Variants in ETF1 observed in about 807,000 individuals in gnomAD.
The protein encoded by ETF1 is eukaryotic peptide chain release factor subunit 1.
A neutral mutation model predicts 55.1 loss-of-function variants in ETF1; 4 were observed. That is an observed-to-expected ratio of 0.07 (90% CI 0.04 to 0.17). The LOEUF is 0.17. Among genes scored for constraint, ETF1 ranks in the 10% least tolerant of loss-of-function variants. The pLI is 1.00. For synonymous variants in ETF1, 157 were observed against 182.3 expected, an observed-to-expected ratio of 0.86 and a Z score of 1.12; for missense variants, 142 against 523.6, an observed-to-expected ratio of 0.27 and a Z score of 7.11.
intron 2 of ETF1, among the ~76,000 whole-genome samples, chr5:138,537,901 T>C (rs11242432): frequency 6.8e-6 from 1 of 146,872 alleles, no homozygotes; most frequent in South Asian, 2.2e-4. Flanking sequence ...TATTATTTTT[T>C]TTTTTTCTGA....
Position 138,508,274 on chromosome 5 carries a change from A to C in ETF1, c.*31T>G, listed in dbSNP as rs762726003. On this transcript the variant is annotated 3_prime_UTR_variant, in exon 11 of 11. Transcript: ENST00000360541. Reference sequence around the variant, plus strand: ...TCCTTGGGTTGGATGCTGGAGGGTGAGGCACGTTTTGCCGGACCCATGTCG... The same window carrying C: ...TCCTTGGGTTGGATGCTGGAGGGTGCGGCACGTTTTGCCGGACCCATGTCG... The C allele has an allele frequency of 1.9e-6, 3 of 1,607,664 alleles. No individual in the cohort carries two copies. Among genetic ancestry groups the C allele is most frequent in the South Asian group, 2.2e-5 (2 of 90,114 alleles).
At chr5:138,541,419 G>A (rs1766167450) in intron 2 of ETF1, 2 of 777,658 alleles carry the variant, frequency 2.6e-6, no homozygotes, top group Admixed American at 4.6e-5. Context: ...CCGAAGGAGT[G>A]AGCACAAGCC....
At chr5:138,512,678 A>G (rs938989524) in intron 6 of ETF1, 86 bp downstream of exon 6, 1 of 1,236,022 alleles carries the variant, frequency 8.1e-7, no homozygotes, top group Non-Finnish European at 1.1e-6. Flanking sequence ...AATTTTAAAA[A>G]GATGTGTCTG....
Position 138,514,306 on chromosome 5 carries a change from C to CTGTGGAGATT in ETF1, c.403-601_403-600insAATCTCCACA, listed in dbSNP as rs1302923054. ...TGATGGCTCACACATGTAATCCCAG[C>CTGTGGAGATT]ACTATGGGAGGCTGTGGCAGGCAGA... On this transcript the variant is annotated intron_variant, in intron 4 of 10. Coordinates refer to ENST00000360541, the MANE Select transcript of ETF1 (RefSeq NM_004730.4). 2.6e-5 allele frequency among the ~76,000 whole-genome samples: 4 copies of CTGTGGAGATT among 152,162 alleles called. No homozygotes were observed. In the East Asian group the frequency reaches 7.7e-4, roughly 29 times the overall value.
At chr5:138,542,624 G>A (rs1766230529) in intron 2 of ETF1, 1 of 1,421,042 alleles carries the variant, frequency 7.0e-7, no homozygotes. Context: ...GGGGAGCGCG[G>A]GCCCCTTACC....
chr5:138,531,914 GCGGGCGC>G (rs1175810867), intron 2 of ETF1, among the ~76,000 whole-genome samples: 1 of 152,190 alleles, frequency 6.6e-6, no homozygotes, highest in Non-Finnish European at 1.5e-5. Context: ...GGGCGTGGTG[GCGGGCGC>G]CTATAGTCCC....
intron 9 of ETF1, among the ~76,000 whole-genome samples, chr5:138,509,363 GAGGCATTATGT>G (rs1764673690): frequency 1.3e-5 from 2 of 152,212 alleles, no homozygotes; most frequent in Admixed American, 6.5e-5. Flanking sequence ...CAGTGCAGGA[GAGGCATTATGT>G]AAATTACATT....
intron 2 of ETF1, among the ~76,000 whole-genome samples, chr5:138,539,344 C>A (rs1766080060): frequency 6.6e-6 from 1 of 152,170 alleles, no homozygotes; most frequent in Admixed American, 6.5e-5. Context: ...AGGGAAAAAA[C>A]AACCAATAAT....
intron 6 of ETF1, among the ~76,000 whole-genome samples, chr5:138,512,249 TATATATATA>T (rs1372777975): frequency 4.8e-4 from 5 of 10,360 alleles, no homozygotes; most frequent in African/African-American, 1.4e-3. Flanking sequence ...TATATATATA[TATATATATA>T]TTTTTTTTTT....
chr5:138,539,557 T>C (rs1287821514), intron 2 of ETF1, among the ~76,000 whole-genome samples: 2 of 152,224 alleles, frequency 1.3e-5, no homozygotes. Flanking sequence ...GTTATTTTAC[T>C]AGCACACACA....
At chr5:138,518,203 C>CA (rs35745884) in intron 3 of ETF1, among the ~76,000 whole-genome samples, 35,699 of 79,766 alleles carry the variant, frequency 0.45, 5,106 homozygotes, top group East Asian at 0.69. Flanking sequence ...TGTCTCATCC[C>CA]AAAAAAAAAA....
At chr5:138,518,554 A>G (rs916432599) in intron 3 of ETF1, 138 bp downstream of exon 3, 2 of 713,916 alleles carry the variant, frequency 2.8e-6, no homozygotes, top group Admixed American at 2.8e-5. Context: ...AAAACAAAAA[A>G]GCTAACCACC....
At chr5:138,513,863 A>C in intron 4 of ETF1, 157 bp from the exon 5 acceptor site, 1 of 801,592 alleles carries the variant, frequency 1.2e-6, no homozygotes, top group Non-Finnish European at 1.5e-6. Context: ...CTTCAGTTAT[A>C]AACATGTAAC....
At chr5:138,535,447 C>T (rs1213388777) in intron 2 of ETF1, among the ~76,000 whole-genome samples, 1 of 150,786 alleles carries the variant, frequency 6.6e-6, no homozygotes, top group Non-Finnish European at 1.5e-5. Flanking sequence ...CGGCCAGGCG[C>T]GGTGGCTCAC....
chr5:138,512,225 A>AAAAAC, intron 6 of ETF1, among the ~76,000 whole-genome samples: 1 of 44,126 alleles, frequency 2.3e-5, no homozygotes, highest in East Asian at 1.5e-3. Flanking sequence ...AAAAAAAAAA[A>AAAAAC]ATATATATAT....
intron 10 of ETF1, 70 bp from the exon 11 acceptor site, chr5:138,508,457 G>A: frequency 1.3e-6 from 2 of 1,598,764 alleles, no homozygotes; most frequent in East Asian, 4.5e-5. Context: ...TGGCTGGTAA[G>A]GGAATAAGGG....
At chr5:138,515,425 A>C (rs1225369970) in intron 4 of ETF1, among the ~76,000 whole-genome samples, 5 of 152,206 alleles carry the variant, frequency 3.3e-5, no homozygotes, top group African/African-American at 1.2e-4. Context: ...ACTCAATCTC[A>C]GAAAAAAGAA....
At chr5:138,510,543 A>G (rs1764734848) in intron 9 of ETF1, 22 bp downstream of exon 9, 1 of 1,586,422 alleles carries the variant, frequency 6.3e-7, no homozygotes, top group Admixed American at 1.7e-5. Flanking sequence ...CGTATCATCA[A>G]ACCAAGAAAA....
chr5:138,510,980 C>A, intron 8 of ETF1, 65 bp downstream of exon 8: 1 of 1,573,064 alleles, frequency 6.4e-7, no homozygotes, highest in South Asian at 1.2e-5. Context: ...CCATCCCTCC[C>A]AAATCTCCAC....
Sources: allele counts gnomAD v4.1 joint callset (sites outside exome capture counted in the v4.1 genomes callset), GRCh38; gene constraint gnomAD v4.1.1; transcripts MANE v1.5; gene names NCBI Gene and HGNC (gene_info 2026-07-23, HGNC 2026-07-21).